AGBL3: variants seen among roughly 807,000 people sequenced by gnomAD.
AGBL3 encodes AGBL carboxypeptidase 3.
Under a neutral mutation model 94.5 loss-of-function variants are expected in AGBL3, and 68 were observed. The observed-to-expected ratio is 0.72, with a 90% confidence interval of 0.59 to 0.88. AGBL3 has a LOEUF of 0.88. AGBL3 is among the 40% of genes least tolerant of loss of function. The pLI is 0.00. For missense variants in AGBL3, 934 were observed against 1,103.8 expected (o/e 0.85, Z 2.18); for synonymous variants, 354 against 370.7 (o/e 0.95, Z 0.52).
chr7:135,119,895 A>G (rs933386841), intron 16 of AGBL3, among the ~76,000 whole-genome samples: 1 of 152,180 alleles, frequency 6.6e-6, no homozygotes, highest in Admixed American at 6.5e-5. Flanking sequence ...AAAAAAGAAA[A>G]AGAAAGGAGT....
intron 6 of AGBL3, 25 bp downstream of exon 6, chr7:135,033,007 A>G: frequency 1.3e-6 from 2 of 1,532,084 alleles, no homozygotes. Context: ...TTTTTATTTA[A>G]GGAGCTAGAC....
intron 4 of AGBL3, among the ~76,000 whole-genome samples, chr7:135,016,837 A>G (rs1321650845): frequency 1.3e-5 from 2 of 152,216 alleles, no homozygotes; most frequent in Non-Finnish European, 2.9e-5. Flanking sequence ...ACTACTCAAT[A>G]TAATAATTCA....
At chr7:135,007,049 A>G (rs775583621) in intron 4 of AGBL3, among the ~76,000 whole-genome samples, 36 of 151,908 alleles carry the variant, frequency 2.4e-4, no homozygotes, top group Non-Finnish European at 4.1e-4. Flanking sequence ...AAAAACTACT[A>G]CAGAGAGTCG....
chr7:135,004,407 A>G (rs148566167), intron 4 of AGBL3, among the ~76,000 whole-genome samples: 48 of 151,710 alleles, frequency 3.2e-4, no homozygotes, highest in African/African-American at 1.1e-3. Context: ...GCTCATGTAC[A>G]TTTATCAGGT....
chr7:135,117,243 A>T (rs1826448528), intron 16 of AGBL3, among the ~76,000 whole-genome samples: 1 of 152,224 alleles, frequency 6.6e-6, no homozygotes, highest in Non-Finnish European at 1.5e-5. Context: ...TCCATATTGA[A>T]ATCTGACCTA....
At chr7:135,043,731 T>G (rs1817090693) in intron 8 of AGBL3, among the ~76,000 whole-genome samples, 2 of 151,860 alleles carry the variant, frequency 1.3e-5, no homozygotes, top group African/African-American at 4.8e-5. Flanking sequence ...CCACAAAAAT[T>G]AAAAATTAAA....
chr7:135,052,691 T>A (rs1381681031), intron 11 of AGBL3, among the ~76,000 whole-genome samples: 1 of 152,148 alleles, frequency 6.6e-6, no homozygotes, highest in Non-Finnish European at 1.5e-5. Flanking sequence ...AATGATTTAC[T>A]TTTAAATGTG....
chr7:135,072,299 C>T (rs1819995524), intron 12 of AGBL3, among the ~76,000 whole-genome samples: 1 of 152,198 alleles, frequency 6.6e-6, no homozygotes, highest in Non-Finnish European at 1.5e-5. Context: ...AATAGGAACA[C>T]TTTCACACTG....
At chr7:135,032,356 G>A (rs1200553689) in intron 5 of AGBL3, among the ~76,000 whole-genome samples, 2 of 151,934 alleles carry the variant, frequency 1.3e-5, no homozygotes, top group Non-Finnish European at 2.9e-5. Context: ...CCAGGGTAAA[G>A]TGTAGTGACG....
At chr7:135,060,657 T>G (rs1428363714) in intron 12 of AGBL3, among the ~76,000 whole-genome samples, 1 of 152,150 alleles carries the variant, frequency 6.6e-6, no homozygotes, top group African/African-American at 2.4e-5. Context: ...AACATGATCT[T>G]TCTGTGCCTG....
intron 16 of AGBL3, among the ~76,000 whole-genome samples, chr7:135,123,768 C>T (rs748067112): frequency 6.6e-6 from 1 of 152,086 alleles, no homozygotes; most frequent in Non-Finnish European, 1.5e-5. Context: ...AAATTTCAAC[C>T]CAGAATTTCA....
At chr7:135,116,160 C>T (rs1167450540) in intron 16 of AGBL3, among the ~76,000 whole-genome samples, 2 of 152,118 alleles carry the variant, frequency 1.3e-5, no homozygotes, top group Non-Finnish European at 2.9e-5. Context: ...CTATGTGCTA[C>T]ACACCGTTCT....
At chr7:135,029,828 T>C (rs1036864060) in intron 5 of AGBL3, among the ~76,000 whole-genome samples, 4 of 152,078 alleles carry the variant, frequency 2.6e-5, no homozygotes, top group Admixed American at 2.6e-4. Context: ...ATGGAGGCCA[T>C]TGTAGGATTA....
intron 1 of AGBL3, 26 bp from the exon 2 acceptor site, chr7:134,987,849 G>T: frequency 1.0e-6 from 1 of 986,090 alleles, no homozygotes; most frequent in Admixed American, 2.6e-5. Context: ...AGCTTGAAAA[G>T]AAAAGCTGTC....
At chr7:135,010,026 T>C in intron 4 of AGBL3, 1 of 436,176 alleles carries the variant, frequency 2.3e-6, no homozygotes. Flanking sequence ...ATGACACTTT[T>C]TTTTTTTTTT....
intron 6 of AGBL3, among the ~76,000 whole-genome samples, chr7:135,033,318 A>T (rs1021874732): frequency 3.3e-5 from 5 of 152,308 alleles, no homozygotes; most frequent in East Asian, 1.9e-4. Context: ...TATTTTATTT[A>T]AAAATATTAT....
intron 5 of AGBL3, among the ~76,000 whole-genome samples, chr7:135,019,671 C>A (rs1458398234): frequency 6.6e-6 from 1 of 152,126 alleles, no homozygotes; most frequent in African/African-American, 2.4e-5. Context: ...AACTATACTA[C>A]AAGGCTACAG....
chr7:135,037,447 A>T lies in AGBL3; in HGVS notation c.1367A>T (p.Tyr456Phe). 1 of 1,549,048 alleles carries T rather than the reference A, an allele frequency of 6.5e-7. No individual in the cohort carries two copies. The highest frequency in any genetic ancestry group is 8.7e-7 in the Non-Finnish European group (1 of 1,145,738). ...ATGGAGAAACGAGAGGTTATTTTAT[A>T]CTGTGATCTTCATGGCCATAGTAGG... is the stretch of plus-strand genomic sequence containing the variant. ...RLMEKREVILYCDLHGHSRKE... is the reference protein window; with the variant it reads ...RLMEKREVILFCDLHGHSRKE... The change falls in exon 8 of 17, where the codon TAC becomes TTC. Residue 456 changes from tyrosine to phenylalanine, a missense_variant. Coordinates refer to ENST00000436302, the MANE Select transcript of AGBL3 (RefSeq NM_178563.4).
At chr7:135,079,657 G>A (rs934535532) in intron 13 of AGBL3, among the ~76,000 whole-genome samples, 25 of 148,778 alleles carry the variant, frequency 1.7e-4, no homozygotes, top group African/African-American at 5.7e-4. Flanking sequence ...CGGTAGAGGC[G>A]GGGTTTCACC....
Sources: allele counts gnomAD v4.1 joint callset (sites outside exome capture counted in the v4.1 genomes callset), GRCh38; gene constraint gnomAD v4.1.1; transcripts MANE v1.5; gene names NCBI Gene and HGNC (gene_info 2026-07-23, HGNC 2026-07-21).